The following LCLAT1 variants were observed in gnomAD, a reference collection of about 807,000 sequenced individuals.
LCLAT1 encodes the protein lysocardiolipin acyltransferase 1, also known as 1-AGP acyltransferase 8.
LCLAT1 carries 11 observed loss-of-function variants against 30.7 expected under a neutral mutation model. The observed-to-expected ratio is 0.36, with a 90% CI of 0.23 to 0.59. LCLAT1 has a LOEUF of 0.59. Ranked by LOEUF, LCLAT1 falls within the 20% of genes least tolerant of loss-of-function variation. The pLI is 0.77. For missense variants in LCLAT1, 402 were observed against 458.6 expected (o/e 0.88, Z 1.13); for synonymous variants, 155 against 151.3 (o/e 1.02, Z -0.18).
At chr2:30,591,815 G>A (rs1312397482) in intron 5 of LCLAT1, among the ~76,000 whole-genome samples, 1 of 152,128 alleles carries the variant, frequency 6.6e-6, no homozygotes, top group African/African-American at 2.4e-5. Flanking sequence ...ATCTAGTCCA[G>A]AGCTGAATAC....
At chr2:30,531,371 C>G (rs1378437859) in intron 2 of LCLAT1, among the ~76,000 whole-genome samples, 1 of 152,184 alleles carries the variant, frequency 6.6e-6, no homozygotes, top group African/African-American at 2.4e-5. Flanking sequence ...ATTTCACTTT[C>G]AAGGGACTTT....
At chr2:30,506,725 A>G (rs1269630145) in intron 1 of LCLAT1, among the ~76,000 whole-genome samples, 1 of 152,186 alleles carries the variant, frequency 6.6e-6, no homozygotes, top group Non-Finnish European at 1.5e-5. Context: ...GTTCTGAAAG[A>G]AAATTACATG....
At chr2:30,627,646 C>T (rs1249924684) in intron 5 of LCLAT1, among the ~76,000 whole-genome samples, 4 of 152,054 alleles carry the variant, frequency 2.6e-5, no homozygotes, top group African/African-American at 9.7e-5. Context: ...ATAGTGAAGC[C>T]TACACTATAA....
chr2:30,577,073 A>G (rs1251133628), intron 5 of LCLAT1, among the ~76,000 whole-genome samples: 1 of 150,174 alleles, frequency 6.7e-6, no homozygotes, highest in African/African-American at 2.4e-5. Flanking sequence ...TTTTGCATAG[A>G]TTATATTTTT....
chr2:30,527,050 A>G (rs1272567237), intron 2 of LCLAT1, among the ~76,000 whole-genome samples: 1 of 152,118 alleles, frequency 6.6e-6, no homozygotes, highest in African/African-American at 2.4e-5. Flanking sequence ...GTATTTCTCT[A>G]TATACATATA....
At chr2:30,580,820 G>A (rs569071764) in intron 5 of LCLAT1, among the ~76,000 whole-genome samples, 57 of 152,244 alleles carry the variant, frequency 3.7e-4, no homozygotes, top group Non-Finnish European at 6.0e-4. Context: ...TCCAAGCCTG[G>A]TGAGTAAATC....
At chr2:30,600,505 T>C (rs1046662157) in intron 5 of LCLAT1, among the ~76,000 whole-genome samples, 5 of 151,974 alleles carry the variant, frequency 3.3e-5, no homozygotes, top group African/African-American at 1.2e-4. Flanking sequence ...AGACAAGAAA[T>C]AGCCAAGATC....
chr2:30,491,538 G>C lies in LCLAT1; in HGVS notation c.-4-34049G>C, dbSNP rs72793863. Among the ~76,000 whole-genome samples the C allele has an allele frequency of 9.2e-3, 1,407 of 152,192 alleles. 17 individuals are homozygous for C. The highest frequency in any genetic ancestry group is 0.012 in the Non-Finnish European group (838 of 67,994). On this transcript the variant is annotated intron_variant, in intron 1 of 5. Coordinates refer to ENST00000379509, the MANE Select transcript of LCLAT1 (RefSeq NM_001002257.3). ...TGGTATTGCCTCATTAAACTAGGTG[G>C]CCTTATGATTTGCTGTATTTCTGAC... is the stretch of plus-strand genomic sequence containing the variant.
At chr2:30,496,042 C>G (rs1198188242) in intron 1 of LCLAT1, among the ~76,000 whole-genome samples, 2 of 152,024 alleles carry the variant, frequency 1.3e-5, no homozygotes, top group East Asian at 3.9e-4. Flanking sequence ...CCTCAGGAAA[C>G]TTATAATGGT....
At chr2:30,473,065 C>T (rs1036033708) in intron 1 of LCLAT1, among the ~76,000 whole-genome samples, 3 of 152,122 alleles carry the variant, frequency 2.0e-5, no homozygotes, top group Non-Finnish European at 1.5e-5. Flanking sequence ...TCCATGGCCT[C>T]ACCAGTCAGG....
intron 1 of LCLAT1, among the ~76,000 whole-genome samples, chr2:30,484,319 G>C (rs747968238): frequency 6.6e-6 from 1 of 152,104 alleles, no homozygotes; most frequent in African/African-American, 2.4e-5. Context: ...AATATTATAA[G>C]TATTGACAGC....
At chr2:30,534,503 C>A (rs1686144246) in intron 3 of LCLAT1, among the ~76,000 whole-genome samples, 1 of 152,180 alleles carries the variant, frequency 6.6e-6, no homozygotes, top group South Asian at 2.1e-4. Context: ...TGGTCTTGAT[C>A]TCCTGACCTC....
At chr2:30,626,995 C>T (rs1454251952) in intron 5 of LCLAT1, among the ~76,000 whole-genome samples, 2 of 152,072 alleles carry the variant, frequency 1.3e-5, no homozygotes, top group Non-Finnish European at 2.9e-5. Flanking sequence ...AATTGTCTTG[C>T]CACTAGGTAA....
chr2:30,469,131 T>C (rs1341948465), intron 1 of LCLAT1, among the ~76,000 whole-genome samples: 1 of 152,230 alleles, frequency 6.6e-6, no homozygotes, highest in Non-Finnish European at 1.5e-5. Flanking sequence ...GTAAGAGTTC[T>C]TTATGTATTC....
chr2:30,602,868 T>G (rs1035405742), intron 5 of LCLAT1, among the ~76,000 whole-genome samples: 2 of 152,190 alleles, frequency 1.3e-5, no homozygotes, highest in East Asian at 3.9e-4. Context: ...ACATATACAT[T>G]TAGACAAAGA....
chr2:30,637,406 A>G (rs970868303), intron 5 of LCLAT1, among the ~76,000 whole-genome samples: 4 of 152,100 alleles, frequency 2.6e-5, no homozygotes, highest in African/African-American at 9.7e-5. Context: ...TCTATCAGCA[A>G]TGGAATAGGG....
At chr2:30,547,417 C>T (rs1664475708) in intron 3 of LCLAT1, among the ~76,000 whole-genome samples, 1 of 152,116 alleles carries the variant, frequency 6.6e-6, no homozygotes, top group African/African-American at 2.4e-5. Flanking sequence ...TTTTACTAAT[C>T]TTAACAGTGA....
At chr2:30,602,330 A>T (rs1043732471) in intron 5 of LCLAT1, among the ~76,000 whole-genome samples, 4 of 152,204 alleles carry the variant, frequency 2.6e-5, no homozygotes, top group African/African-American at 9.7e-5. Context: ...GGGAGGAGTT[A>T]TAGTTCACTC....
intron 1 of LCLAT1, among the ~76,000 whole-genome samples, chr2:30,449,239 A>G (rs114064074): frequency 0.01 from 1,586 of 152,254 alleles, 33 homozygotes; most frequent in African/African-American, 0.035. Flanking sequence ...GGGAAACATT[A>G]ATTCATGTAC....
Sources: gnomAD v4.1 joint callset for allele counts (sites outside exome capture counted in the v4.1 genomes callset) on GRCh38, gnomAD v4.1.1 for gene constraint, MANE v1.5 for transcripts, NCBI Gene and HGNC (gene_info 2026-07-23, HGNC 2026-07-21) for gene names.